RGS22: variants seen among roughly 807,000 people sequenced by gnomAD.
The protein encoded by RGS22 is regulator of G protein signaling 22, also known as regulator of G-protein signaling 22.
Under a neutral mutation model 172.9 loss-of-function variants are expected in RGS22, and 148 were observed. That is an observed-to-expected ratio of 0.86 (90% CI 0.75 to 0.98). The LOEUF (loss-of-function observed/expected upper bound fraction) is 0.98. Among genes scored for constraint, RGS22 ranks in the 50% least tolerant of loss-of-function variants. The pLI is 0.00. For synonymous variants in RGS22, 458 were observed against 480.2 expected, an observed-to-expected ratio of 0.95 and a Z score of 0.60; for missense variants, 1,347 against 1,440.8, an observed-to-expected ratio of 0.93 and a Z score of 1.05.
At chr8:100,033,496 TAACAGG>T in intron 14 of RGS22, among the ~76,000 whole-genome samples, 1 of 145,322 alleles carries the variant, frequency 6.9e-6, no homozygotes, top group Admixed American at 7.0e-5. Context: ...AATAGACCAA[TAACAGG>T]CTCTGAAATT....
chr8:100,104,312 C>T (rs79059471), intron 2 of RGS22, among the ~76,000 whole-genome samples: 1 of 149,276 alleles, frequency 6.7e-6, no homozygotes, highest in African/African-American at 2.5e-5. Flanking sequence ...GAGAGAGACC[C>T]TGTCTCAAAA....
chr8:100,066,685 T>C (rs1810555846), intron 6 of RGS22, among the ~76,000 whole-genome samples: 1 of 152,150 alleles, frequency 6.6e-6, no homozygotes, highest in South Asian at 2.1e-4. Context: ...CTTTCCCAAT[T>C]ACTTCAGGTC....
chr8:100,083,775 G>C (rs1387282120), intron 3 of RGS22, among the ~76,000 whole-genome samples: 4 of 151,606 alleles, frequency 2.6e-5, no homozygotes, highest in South Asian at 4.2e-4. Flanking sequence ...ACACAACTCT[G>C]GAGTTATCAC....
At chr8:100,049,077 C>T (rs574460554) in intron 10 of RGS22, among the ~76,000 whole-genome samples, 1 of 152,132 alleles carries the variant, frequency 6.6e-6, no homozygotes, top group East Asian at 1.9e-4. Context: ...AGCTTGCTGG[C>T]TTAGGTGAAA....
intron 22 of RGS22, 83 bp downstream of exon 22, chr8:99,981,854 G>A (rs930561622): frequency 7.7e-6 from 10 of 1,294,000 alleles, no homozygotes; most frequent in East Asian, 2.7e-5. Context: ...GAGCCACCAC[G>A]CCTGGCCCAA....
intron 14 of RGS22, among the ~76,000 whole-genome samples, chr8:100,020,169 C>T (rs1312689951): frequency 6.6e-6 from 1 of 152,136 alleles, no homozygotes; most frequent in Non-Finnish European, 1.5e-5. Context: ...CAGGTGTGAG[C>T]CACCACGCCC....
chr8:100,100,108 C>A (rs1813346961), intron 2 of RGS22, among the ~76,000 whole-genome samples: 1 of 152,140 alleles, frequency 6.6e-6, no homozygotes, highest in Non-Finnish European at 1.5e-5. Flanking sequence ...GGACCCCCCA[C>A]AGACACTGAA....
At chr8:99,986,944 T>C (rs1361001450) in intron 21 of RGS22, among the ~76,000 whole-genome samples, 1 of 152,138 alleles carries the variant, frequency 6.6e-6, no homozygotes, top group Non-Finnish European at 1.5e-5. Flanking sequence ...TAAAACTCTC[T>C]GCAGGAAGGT....
chr8:100,103,661 CAGG>C (rs144019221), intron 2 of RGS22, among the ~76,000 whole-genome samples: 6,730 of 152,054 alleles, frequency 0.044, 431 homozygotes, highest in African/African-American at 0.14. Flanking sequence ...ACTGAAGCTA[CAGG>C]AGGAGAAGAG....
At chr8:100,015,493 A>C (rs894384600) in intron 14 of RGS22, among the ~76,000 whole-genome samples, 23 of 152,092 alleles carry the variant, frequency 1.5e-4, no homozygotes, top group African/African-American at 5.3e-4. Context: ...GGGTTTCACC[A>C]TGTCAGCCAG....
chr8:100,066,868 C>G (rs1457116374), intron 6 of RGS22, among the ~76,000 whole-genome samples: 1 of 152,156 alleles, frequency 6.6e-6, no homozygotes, highest in Non-Finnish European at 1.5e-5. Flanking sequence ...ATTCCTGACT[C>G]CATCTGCCCC....
At chr8:100,002,660 T>A (rs1815221785) in intron 17 of RGS22, among the ~76,000 whole-genome samples, 1 of 152,216 alleles carries the variant, frequency 6.6e-6, no homozygotes, top group Middle Eastern at 3.2e-3. Context: ...TTCACTAATT[T>A]CATCAATTTC....
Position 100,058,643 on chromosome 8 carries a change from A to G in RGS22, c.1514+3948T>C, listed in dbSNP as rs1586162163. ...ACTTTTACCCTAGCATAGTATATCC[A>G]ACAAAAATATCCTTCAAATATGAAG... On this transcript the variant is annotated intron_variant, in intron 9 of 27. Transcript: ENST00000360863. 2.0e-5 allele frequency among the ~76,000 whole-genome samples: 3 copies of G among 152,268 alleles called. No individual in the cohort carries two copies. In the East Asian group the frequency reaches 5.8e-4, roughly 29 times the overall value.
chr8:99,974,873 C>T (rs1369991541), intron 23 of RGS22, among the ~76,000 whole-genome samples: 1 of 144,980 alleles, frequency 6.9e-6, no homozygotes, highest in Non-Finnish European at 1.5e-5. Context: ...AAAGGCCTGG[C>T]ACAGTGGCTC....
intron 26 of RGS22, 47 bp from the exon 27 acceptor site, chr8:99,962,490 T>C (rs2131065293): frequency 6.3e-7 from 1 of 1,583,524 alleles, no homozygotes; most frequent in Non-Finnish European, 8.7e-7. Flanking sequence ...CTTTCCTCCT[T>C]AGCAGAGGAG....
At chr8:100,032,454 CAAG>C (rs1818926768) in intron 14 of RGS22, among the ~76,000 whole-genome samples, 1 of 152,142 alleles carries the variant, frequency 6.6e-6, no homozygotes, top group African/African-American at 2.4e-5. Flanking sequence ...ATCAATTCAA[CAAG>C]AAGAGCTAAC....
chr8:99,996,877 TAA>T (rs1355423251), intron 19 of RGS22, among the ~76,000 whole-genome samples: 20 of 152,336 alleles, frequency 1.3e-4, no homozygotes, highest in South Asian at 6.2e-4. Context: ...CAACTAATTT[TAA>T]AAGAGTACTA....
intron 14 of RGS22, among the ~76,000 whole-genome samples, chr8:100,019,949 ATCTCGGCTC>A (rs1817426035): frequency 3.6e-5 from 1 of 28,008 alleles, no homozygotes; most frequent in Non-Finnish European, 8.1e-5. Context: ...CAATGGTGCA[ATCTCGGCTC>A]ACCGCAACCT....
rs1275041450 is a variant in RGS22 at position 99,961,053 on chromosome 8, C to T, written c.*189G>A. 1.1e-5 allele frequency: 4 copies of T among 368,056 alleles called. No individual in the cohort carries two copies. Among genetic ancestry groups the T allele is most frequent in the Admixed American group, 7.3e-5 (2 of 27,318 alleles). 22.8% of individuals were successfully genotyped at this position (368,056 alleles called of 1,614,324 possible). On this transcript the variant is annotated 3_prime_UTR_variant, in exon 28 of 28. Transcript: ENST00000360863. ...TAATTTTAAAACTGCGAGAGTAAGA[C>T]AAGCCAAATTTTCTTTATTTATTTC...
Sources: allele counts gnomAD v4.1 joint callset (sites outside exome capture counted in the v4.1 genomes callset), GRCh38; gene constraint gnomAD v4.1.1; transcripts MANE v1.5; gene names NCBI Gene and HGNC (gene_info 2026-07-23, HGNC 2026-07-21).